ADD1: variants seen among roughly 807,000 people sequenced by gnomAD.
The protein encoded by ADD1 is adducin 1.
ADD1 carries 24 observed loss-of-function variants against 80.5 expected under a neutral mutation model. The ratio of observed to expected loss-of-function variants is 0.30; its 90% CI spans 0.22 to 0.42. The LOEUF (loss-of-function observed/expected upper bound fraction) is 0.42. Among genes scored for constraint, ADD1 ranks in the 10% least tolerant of loss-of-function variants. The pLI is 1.00. For synonymous variants in ADD1, 373 were observed against 393.8 expected (o/e 0.95, Z 0.63); for missense variants, 948 against 1,019.0 (o/e 0.93, Z 0.95).
Position 2,926,340 on chromosome 4 carries a change from C to G in ADD1, c.2047+228C>G. ...AGGTAGGAAGGCCGGCCTCGGGGGT[C>G]GGAACCCACCATGGTTGCTGGTGTC... On this transcript the variant is annotated intron_variant, in intron 15 of 15. Transcript: ENST00000683351. The surrounding 1 kb of genome is among the most constrained non-coding windows in gnomAD (Gnocchi z 5.0). 1.4e-6 allele frequency: 1 copy of G among 703,584 alleles called. No individual in the cohort carries two copies. Among genetic ancestry groups the G allele is most frequent in the Non-Finnish European group, 2.6e-6 (1 of 387,382 alleles). The allele number at this position is 703,584 out of a possible 1,614,324, so 43.6% of individuals were successfully genotyped here.
intron 12 of ADD1, 155 bp from the exon 13 acceptor site, chr4:2,909,184 T>C: frequency 1.5e-6 from 1 of 650,388 alleles, no homozygotes; most frequent in Admixed American, 2.6e-5. Context: ...CCTGGTTTCG[T>C]GTTCAGTGTC....
Position 2,894,104 on chromosome 4 carries a change from C to T in ADD1, c.591+11C>T. 6.2e-7 allele frequency: 1 copy of T among 1,609,778 alleles called. No individual in the cohort carries two copies. The highest frequency in any genetic ancestry group is 1.3e-5 in the African/African-American group (1 of 74,922). On this transcript the variant is annotated intron_variant, in intron 5 of 15. Coordinates refer to ENST00000683351, the MANE Select transcript of ADD1 (RefSeq NM_001354761.2). Reference sequence around the variant, plus strand: ...ACTGCATCCAGTTTGGTAAGAATGTCCTTCTCTTTGGCAGCTTGTATGTGC... The same window carrying T: ...ACTGCATCCAGTTTGGTAAGAATGTTCTTCTCTTTGGCAGCTTGTATGTGC...
chr4:2,847,499 G>A (rs1018972302), intron 1 of ADD1, among the ~76,000 whole-genome samples: 4 of 151,962 alleles, frequency 2.6e-5, no homozygotes, highest in African/African-American at 9.7e-5. Flanking sequence ...AAACATTTTG[G>A]TTCTACTTGC....
At position 2,880,463 on chromosome 4, in the gene ADD1, C is replaced by CTTTTTTTTTTCTTTTTTTT. The variant is rs1732082008; in HGVS notation, c.196-1425_196-1424insCTTTTTTTTTTTTTTTTTT. On this transcript the variant is annotated intron_variant, in intron 2 of 15. Coordinates refer to ENST00000683351, the MANE Select transcript of ADD1 (RefSeq NM_001354761.2). ...TGTTTGACAAGATATTTCTTTCTTT[C>CTTTTTTTTTTCTTTTTTTT]TTTTTTTTTTTTTTTTTTTTTTTTT... Among the ~76,000 whole-genome samples the CTTTTTTTTTTCTTTTTTTT allele has an allele frequency of 3.2e-5, 2 of 63,162 alleles. 1 individual carries two copies. The highest frequency in any genetic ancestry group is 1.3e-4 in the African/African-American group (2 of 15,874). The allele number at this position is 63,162 out of a possible 152,430, so 41.4% of individuals were successfully genotyped here. A position where few individuals can be genotyped will look rare whatever the true frequency, so the allele number is the denominator to read the frequency against.
rs1737451003 is a variant in ADD1, at chr4:2,908,564, A to G, written c.1658A>G (p.Gln553Arg). 6.2e-7 allele frequency: 1 copy of G among 1,614,186 alleles called. No individual in the cohort carries two copies. The highest frequency in any genetic ancestry group is 8.5e-7 in the Non-Finnish European group (1 of 1,180,020). Residue 553 changes from glutamine to arginine, a missense_variant, in exon 12 of 16, where the codon CAG (glutamine) becomes CGG (arginine). By Grantham distance (43) the Gln-to-Arg change is conservative. Coordinates refer to ENST00000683351, the MANE Select transcript of ADD1 (RefSeq NM_001354761.2). ...QDIKTAGPQS[Q>R]VLCGVVMDRS... is the part of the protein sequence containing the mutation. ...ATTAAGACGGCTGGCCCTCAGTCCC[A>G]GGTTTTGTGTGGTGTAGTGATGGAC...
intron 1 of ADD1, among the ~76,000 whole-genome samples, chr4:2,852,758 G>C (rs1382459801): frequency 6.7e-6 from 1 of 150,024 alleles, no homozygotes; most frequent in Non-Finnish European, 1.5e-5. Context: ...AAGTGCAGCG[G>C]TGCGATCTTG....
At chr4:2,923,564 A>T (rs972150995) in intron 14 of ADD1, among the ~76,000 whole-genome samples, 1 of 152,230 alleles carries the variant, frequency 6.6e-6, no homozygotes. Context: ...GGAGCTGCAG[A>T]TCGGAGCTGT....
chr4:2,856,428 A>G (rs115275275), intron 1 of ADD1, among the ~76,000 whole-genome samples: 1 of 151,932 alleles, frequency 6.6e-6, no homozygotes, highest in East Asian at 1.9e-4. Context: ...ATTCATTACA[A>G]TGTGTGTAAG....
intron 6 of ADD1, 60 bp downstream of exon 6, chr4:2,894,791 C>G: frequency 6.6e-7 from 1 of 1,518,810 alleles, no homozygotes; most frequent in Non-Finnish European, 8.8e-7. Flanking sequence ...AGGCACTGCA[C>G]GTTTCCTCTG....
At position 2,921,981 on chromosome 4, in the gene ADD1, C is replaced by T. The variant is rs1340184017; in HGVS notation, c.1949-4033C>T. ...GTTCTCATGCTGTGTTTTTCAGCTC[C>T]ATCAGATCATTTATGTTCTTCTCTA... On this transcript the variant is annotated intron_variant, in intron 14 of 15. Transcript: ENST00000683351. Among the ~76,000 whole-genome samples, 5 of 151,832 alleles carry T rather than the reference C, an allele frequency of 3.3e-5. 1 individual carries two copies. Among genetic ancestry groups the T allele is most frequent in the Admixed American group, 1.3e-4 (2 of 15,234 alleles).
chr4:2,888,655 T>C (rs1434586456), intron 4 of ADD1, among the ~76,000 whole-genome samples: 5 of 150,844 alleles, frequency 3.3e-5, no homozygotes, highest in Non-Finnish European at 7.4e-5. Flanking sequence ...TGACCTCAAG[T>C]GATCCGCCCA....
intron 1 of ADD1, among the ~76,000 whole-genome samples, chr4:2,855,531 T>TA (rs1317632244): frequency 6.6e-6 from 1 of 151,680 alleles, no homozygotes; most frequent in Admixed American, 6.6e-5. Context: ...CTAAAACTAA[T>TA]ATTCTGTCGC....
intron 11 of ADD1, among the ~76,000 whole-genome samples, 157 bp downstream of exon 11, chr4:2,908,001 C>G (rs1737350228): frequency 1.3e-5 from 2 of 152,216 alleles, no homozygotes; most frequent in African/African-American, 4.8e-5. Flanking sequence ...TGCTGTTCTA[C>G]CACCAGTGTG....
chr4:2,889,239 GA>G (rs1733910923), intron 4 of ADD1, among the ~76,000 whole-genome samples: 1 of 152,168 alleles, frequency 6.6e-6, no homozygotes, highest in Admixed American at 6.5e-5. Context: ...CGGGGTGGGG[GA>G]TGGACTTGGC....
chr4:2,894,148 CA>C (rs1734765548), intron 5 of ADD1, 55 bp downstream of exon 5: 12 of 1,371,630 alleles, frequency 8.7e-6, no homozygotes. Context: ...TTAGGTCATT[CA>C]ACATCTTCAG....
chr4:2,869,293 A>G (rs1730046400), intron 1 of ADD1, among the ~76,000 whole-genome samples: 1 of 152,120 alleles, frequency 6.6e-6, no homozygotes, highest in African/African-American at 2.4e-5. Context: ...GTGAGGGAGA[A>G]TGGGCCCCAT....
chr4:2,884,505 T>C lies in ADD1; in HGVS notation c.359-10T>C, dbSNP rs199691316. ...TGCACCTGGCTGAGTTTTGTTTTTCTTTATTTCAGGTCTTGGTATGGTGAC... is the reference window on the plus strand; with the variant it reads ...TGCACCTGGCTGAGTTTTGTTTTTCCTTATTTCAGGTCTTGGTATGGTGAC... On this transcript the variant is annotated splice_polypyrimidine_tract_variant and intron_variant, in intron 3 of 15. Transcript: ENST00000683351. 1 of 1,590,020 alleles carries C rather than the reference T, an allele frequency of 6.3e-7. No homozygotes were observed. Among genetic ancestry groups the C allele is most frequent in the Non-Finnish European group, 8.6e-7 (1 of 1,163,886 alleles).
chr4:2,913,680 C>T (rs1385535283), intron 13 of ADD1, among the ~76,000 whole-genome samples: 1 of 151,924 alleles, frequency 6.6e-6, no homozygotes, highest in Non-Finnish European at 1.5e-5. Context: ...GTCCAAGTTC[C>T]CCTGTCTCTG....
chr4:2,900,964 C>G (rs78549442), intron 9 of ADD1: 1 of 152,414 alleles, frequency 6.6e-6, no homozygotes, highest in East Asian at 1.9e-4. Context: ...TGAGCCCTGC[C>G]CCTGTGATCT....
Sources: gnomAD v4.1 joint callset for allele counts (sites outside exome capture counted in the v4.1 genomes callset) on GRCh38, gnomAD v4.1.1 for gene constraint, Gnocchi (gnomAD v3.1) non-coding constraint, MANE v1.5 for transcripts, NCBI Gene and HGNC (gene_info 2026-07-23, HGNC 2026-07-21) for gene names.